CSMD1: variants seen among roughly 807,000 people sequenced by gnomAD.
CSMD1 encodes the protein CUB and sushi domain-containing protein 1.
A neutral mutation model predicts 417.5 loss-of-function variants in CSMD1; 213 were observed. The ratio of observed to expected loss-of-function variants is 0.51; its 90% CI spans 0.46 to 0.57. CSMD1 has a LOEUF of 0.57. Ranked by LOEUF, CSMD1 falls within the 20% of genes least tolerant of loss-of-function variation. The pLI is 0.00. For synonymous variants in CSMD1, 2,862 were observed against 1,736.8 expected, an observed-to-expected ratio of 1.65 and a Z score of -16.11; for missense variants, 6,923 against 4,529.7, an observed-to-expected ratio of 1.53 and a Z score of -15.17.
chr8:4,766,168 C>T (rs1347099526), intron 1 of CSMD1, among the ~76,000 whole-genome samples: 1 of 152,098 alleles, frequency 6.6e-6, no homozygotes, highest in Non-Finnish European at 1.5e-5. Flanking sequence ...TCCTGTAGAC[C>T]TGATGCATTT....
chr8:3,690,663 C>G (rs2623606), intron 7 of CSMD1, among the ~76,000 whole-genome samples: 144,165 of 152,272 alleles, frequency 0.95, 68,329 homozygotes, highest in East Asian at 1. Flanking sequence ...TCCTTAGGGG[C>G]TGTGTGGAGT....
At chr8:4,991,742 C>T (rs1811479037) in intron 1 of CSMD1, among the ~76,000 whole-genome samples, 1 of 152,176 alleles carries the variant, frequency 6.6e-6, no homozygotes. Flanking sequence ...GCAAGGGGAA[C>T]GCGACGCCGC....
At chr8:3,151,235 A>G (rs1015152320) in intron 40 of CSMD1, 162 bp downstream of exon 40, 2 of 528,524 alleles carry the variant, frequency 3.8e-6, no homozygotes, top group Non-Finnish European at 6.7e-6. Flanking sequence ...TAAGTTTTCC[A>G]CTCTCAAAGT....
At chr8:3,173,797 G>C (rs998587986) in intron 37 of CSMD1, among the ~76,000 whole-genome samples, 2 of 152,102 alleles carry the variant, frequency 1.3e-5, no homozygotes, top group Non-Finnish European at 2.9e-5. Context: ...ACTCTCCTCA[G>C]TAGTGTTAAT....
chr8:3,535,157 G>A (rs1446073894), intron 10 of CSMD1, among the ~76,000 whole-genome samples: 1 of 151,736 alleles, frequency 6.6e-6, no homozygotes, highest in Non-Finnish European at 1.5e-5. Context: ...TCTCACCATG[G>A]TGCCCATGCT....
intron 3 of CSMD1, among the ~76,000 whole-genome samples, chr8:4,100,408 C>A (rs978582281): frequency 2.6e-5 from 4 of 152,192 alleles, no homozygotes; most frequent in Non-Finnish European, 4.4e-5. Context: ...AGTCAGCCAA[C>A]TACTCTGTAG....
chr8:3,856,364 C>G (rs1286654669), intron 5 of CSMD1, among the ~76,000 whole-genome samples: 1 of 152,152 alleles, frequency 6.6e-6, no homozygotes, highest in African/African-American at 2.4e-5. Flanking sequence ...CCCGCAGAAC[C>G]GTGAGCCAAT....
chr8:3,142,816 C>T, intron 40 of CSMD1, 142 bp from the exon 41 acceptor site: 2 of 759,296 alleles, frequency 2.6e-6, no homozygotes, highest in East Asian at 2.6e-5. Flanking sequence ...GGACGGCATT[C>T]ACTGTGGATG....
At chr8:4,737,645 A>T (rs1810333480) in intron 1 of CSMD1, among the ~76,000 whole-genome samples, 1 of 152,218 alleles carries the variant, frequency 6.6e-6, no homozygotes, top group South Asian at 2.1e-4. Flanking sequence ...CAAATGGTTG[A>T]GATAAAAGAA....
At chr8:3,880,544 G>T (rs181572680) in intron 5 of CSMD1, among the ~76,000 whole-genome samples, 39 of 152,202 alleles carry the variant, frequency 2.6e-4, no homozygotes, top group African/African-American at 9.4e-4. Flanking sequence ...TTTACTAAGT[G>T]CTTCTCAGTA....
intron 5 of CSMD1, among the ~76,000 whole-genome samples, chr8:3,796,522 T>C (rs1056333919): frequency 1.4e-5 from 2 of 144,618 alleles, no homozygotes; most frequent in African/African-American, 2.5e-5. Context: ...TCTATATATC[T>C]ATATCTAAGA....
At chr8:3,866,357 A>G (rs35123437) in intron 5 of CSMD1, among the ~76,000 whole-genome samples, 12,104 of 152,282 alleles carry the variant, frequency 0.079, 552 homozygotes, top group South Asian at 0.15. Flanking sequence ...TTTTACTGGA[A>G]TACAGAACAT....
At chr8:3,655,627 C>G (rs897784425) in intron 7 of CSMD1, among the ~76,000 whole-genome samples, 1 of 150,986 alleles carries the variant, frequency 6.6e-6, no homozygotes, top group African/African-American at 2.4e-5. Context: ...TGCAAGCCAG[C>G]TGAGCCTACA....
At position 2,949,116 on chromosome 8, in the gene CSMD1, C is replaced by G. The variant is rs190744126; in HGVS notation, c.10402+183G>C. ...GGCACATTTATTGCATTATTTCCGG[C>G]TTTGTGTTTGTGTATTTTGCTATTC... On this transcript the variant is annotated intron_variant, in intron 68 of 69. Coordinates refer to ENST00000635120, the MANE Select transcript of CSMD1 (RefSeq NM_033225.6). Among the ~76,000 whole-genome samples the G allele has an allele frequency of 4.6e-3, 703 of 151,406 alleles. 7 individuals are homozygous for G. Among genetic ancestry groups the G allele is most frequent in the Middle Eastern group, 0.031 (9 of 294 alleles).
At chr8:4,081,295 G>T (rs1362984923) in intron 3 of CSMD1, among the ~76,000 whole-genome samples, 1 of 152,234 alleles carries the variant, frequency 6.6e-6, no homozygotes, top group African/African-American at 2.4e-5. Context: ...CTCCTAGCAG[G>T]TAAGCTCTAT....
chr8:3,470,503 G>A lies in CSMD1; in HGVS notation c.1449-1679C>T, dbSNP rs1162728490. 4.6e-5 allele frequency among the ~76,000 whole-genome samples: 7 copies of A among 152,168 alleles called. No homozygotes were observed. The South Asian group carries it at 1.0e-3, about 23-fold the overall frequency. ...GACATGGATACAACCTACCAGCCTC[G>A]TTAAAACTTTCCCTGTTTTATTCGT... On this transcript the variant is annotated intron_variant, in intron 11 of 69. Coordinates refer to ENST00000635120, the MANE Select transcript of CSMD1 (RefSeq NM_033225.6).
chr8:4,611,210 A>G (rs1208011887), intron 2 of CSMD1, among the ~76,000 whole-genome samples: 1 of 152,202 alleles, frequency 6.6e-6, no homozygotes, highest in Non-Finnish European at 1.5e-5. Context: ...CAGTTTTTAA[A>G]TATAAAGGAA....
intron 41 of CSMD1, among the ~76,000 whole-genome samples, chr8:3,131,468 C>T (rs556711825): frequency 6.7e-6 from 1 of 150,346 alleles, no homozygotes; most frequent in Non-Finnish European, 1.5e-5. Context: ...TATGCTAATA[C>T]TAATTTTTTT....
intron 1 of CSMD1, among the ~76,000 whole-genome samples, chr8:4,814,541 A>G (rs989590787): frequency 9.9e-5 from 15 of 152,138 alleles, no homozygotes; most frequent in African/African-American, 3.4e-4. Context: ...GGTAATAATA[A>G]TAGATTAATT....
Sources: gnomAD v4.1 joint callset for allele counts (sites outside exome capture counted in the v4.1 genomes callset) on GRCh38, gnomAD v4.1.1 for gene constraint, MANE v1.5 for transcripts, NCBI Gene and HGNC (gene_info 2026-07-23, HGNC 2026-07-21) for gene names.